The following CLSTN2 variants were observed in gnomAD, a reference collection of about 807,000 sequenced individuals.
The protein encoded by CLSTN2 is calsyntenin 2.
In CLSTN2, 48 loss-of-function variants were observed where a neutral mutation model predicts 101.2. The ratio of observed to expected loss-of-function variants is 0.47; its 90% confidence interval spans 0.38 to 0.60. The LOEUF (loss-of-function observed/expected upper bound fraction) is 0.60, where lower values mean the gene tolerates loss of function less well. CLSTN2 is among the 20% of genes least tolerant of loss of function. The pLI is 0.00. For synonymous variants in CLSTN2, 481 were observed against 463.6 expected (o/e 1.04, Z -0.48); for missense variants, 1,160 against 1,238.2 (o/e 0.94, Z 0.95).
chr3:140,081,960 G>T (rs1299243788), intron 1 of CLSTN2, among the ~76,000 whole-genome samples: 2 of 152,088 alleles, frequency 1.3e-5, no homozygotes, highest in African/African-American at 4.8e-5. Context: ...ACTGTAACTT[G>T]TTCATGGCTC....
chr3:140,178,405 A>C (rs2010356971), intron 2 of CLSTN2, among the ~76,000 whole-genome samples: 1 of 152,230 alleles, frequency 6.6e-6, no homozygotes, highest in African/African-American at 2.4e-5. Flanking sequence ...AACTTGAATT[A>C]GTATTCTGAC....
intron 4 of CLSTN2, among the ~76,000 whole-genome samples, chr3:140,412,647 A>C (rs1420985559): frequency 1.3e-5 from 2 of 152,232 alleles, no homozygotes; most frequent in East Asian, 1.9e-4. Flanking sequence ...GTAAGCATTC[A>C]CTATAGCCAT....
chr3:140,142,338 A>G (rs996829411), intron 1 of CLSTN2, among the ~76,000 whole-genome samples: 25 of 152,202 alleles, frequency 1.6e-4, no homozygotes, highest in African/African-American at 5.5e-4. Context: ...AAGGCCACTC[A>G]TAGAGGGACC....
At chr3:140,346,579 A>C (rs1369765852) in intron 2 of CLSTN2, among the ~76,000 whole-genome samples, 1 of 152,252 alleles carries the variant, frequency 6.6e-6, no homozygotes, top group Non-Finnish European at 1.5e-5. Context: ...AGGATTAAGT[A>C]AGCAAGTTTA....
chr3:140,093,391 A>T (rs1434341626), intron 1 of CLSTN2, among the ~76,000 whole-genome samples: 1 of 151,364 alleles, frequency 6.6e-6, no homozygotes, highest in South Asian at 2.1e-4. Context: ...GTTTCATCCT[A>T]CCCCCCAGTT....
intron 3 of CLSTN2, among the ~76,000 whole-genome samples, chr3:140,404,053 C>G (rs189381889): frequency 1.3e-5 from 2 of 152,332 alleles, no homozygotes; most frequent in Non-Finnish European, 2.9e-5. Context: ...TTGTTTCACC[C>G]TCAGGTCTGA....
intron 2 of CLSTN2, among the ~76,000 whole-genome samples, chr3:140,252,901 G>T (rs1321329026): frequency 6.6e-6 from 1 of 152,064 alleles, no homozygotes; most frequent in African/African-American, 2.4e-5. Context: ...GAAAGCCAGT[G>T]ATGGCTAGAT....
chr3:140,278,917 C>A (rs1387754233), intron 2 of CLSTN2, among the ~76,000 whole-genome samples: 2 of 152,104 alleles, frequency 1.3e-5, no homozygotes, highest in African/African-American at 4.8e-5. Flanking sequence ...GACAGGGTCT[C>A]ACTATGTTTC....
At chr3:140,043,151 G>C (rs898632049) in intron 1 of CLSTN2, among the ~76,000 whole-genome samples, 18 of 152,272 alleles carry the variant, frequency 1.2e-4, no homozygotes, top group Admixed American at 2.0e-4. Context: ...CAGTGTAAAA[G>C]TGTTCCTGTT....
At chr3:139,986,276 C>T (rs552017947) in intron 1 of CLSTN2, among the ~76,000 whole-genome samples, 1 of 152,248 alleles carries the variant, frequency 6.6e-6, no homozygotes, top group South Asian at 2.1e-4. Flanking sequence ...TGCTGTGAGT[C>T]ATTACCATAA....
chr3:140,201,950 A>G (rs756690098), intron 2 of CLSTN2, among the ~76,000 whole-genome samples: 16 of 152,174 alleles, frequency 1.1e-4, no homozygotes, highest in Admixed American at 4.6e-4. Context: ...TGAAGATGAT[A>G]TTGAGCAAAG....
intron 1 of CLSTN2, among the ~76,000 whole-genome samples, chr3:140,106,682 A>G (rs1304994544): frequency 6.6e-6 from 1 of 152,240 alleles, no homozygotes; most frequent in Non-Finnish European, 1.5e-5. Context: ...CAGGCTGGAC[A>G]GTATTCAAGG....
chr3:140,331,866 G>A (rs1202898987), intron 2 of CLSTN2, among the ~76,000 whole-genome samples: 1 of 152,154 alleles, frequency 6.6e-6, no homozygotes, highest in Admixed American at 6.5e-5. Context: ...TTTTTAGTAA[G>A]CTTCCAAGCT....
intron 2 of CLSTN2, among the ~76,000 whole-genome samples, chr3:140,198,371 T>C (rs2107839851): frequency 6.6e-6 from 1 of 152,322 alleles, no homozygotes; most frequent in African/African-American, 2.4e-5. Context: ...TTTTTGTGCA[T>C]AGGAGACTGG....
At chr3:140,340,647 T>G (rs182872211) in intron 2 of CLSTN2, among the ~76,000 whole-genome samples, 133 of 152,356 alleles carry the variant, frequency 8.7e-4, no homozygotes, top group African/African-American at 3.1e-3. Context: ...CTTATACTGA[T>G]GTGGTACATT....
intron 2 of CLSTN2, among the ~76,000 whole-genome samples, chr3:140,335,782 C>A (rs2087433919): frequency 6.6e-6 from 1 of 152,174 alleles, no homozygotes; most frequent in Admixed American, 6.5e-5. Flanking sequence ...AATTTTCGAG[C>A]CATGGGCTTA....
chr3:140,333,053 T>C (rs1192697071), intron 2 of CLSTN2, among the ~76,000 whole-genome samples: 1 of 152,182 alleles, frequency 6.6e-6, no homozygotes, highest in African/African-American at 2.4e-5. Context: ...ACAGTACAGC[T>C]GTAAGTACCT....
chr3:140,106,927 C>T (rs1459742229), intron 1 of CLSTN2, among the ~76,000 whole-genome samples: 1 of 152,048 alleles, frequency 6.6e-6, no homozygotes, highest in Non-Finnish European at 1.5e-5. Flanking sequence ...TGTTAAGCAG[C>T]GGGGGGATAT....
chr3:140,434,840 T>C (rs1164198654), intron 5 of CLSTN2, among the ~76,000 whole-genome samples: 1 of 152,224 alleles, frequency 6.6e-6, no homozygotes, highest in Non-Finnish European at 1.5e-5. Flanking sequence ...CTAGTGTGTT[T>C]TGTTTTCCTG....
Sources: allele counts gnomAD v4.1 joint callset (sites outside exome capture counted in the v4.1 genomes callset), GRCh38; gene constraint gnomAD v4.1.1; transcripts MANE v1.5; gene names NCBI Gene and HGNC (gene_info 2026-07-23, HGNC 2026-07-21).